CACNA1S: variants seen among roughly 807,000 people sequenced by gnomAD.
CACNA1S encodes voltage-dependent L-type calcium channel subunit alpha-1S.
In CACNA1S, 126 loss-of-function variants were observed where a neutral mutation model predicts 207.4. That is an observed-to-expected ratio of 0.61 (90% CI 0.53 to 0.70). The LOEUF is 0.70. Among genes scored for constraint, CACNA1S ranks in the 30% least tolerant of loss-of-function variants. The pLI is 0.00. For missense variants in CACNA1S, 2,349 were observed against 2,422.8 expected (o/e 0.97, Z 0.64); for synonymous variants, 960 against 932.7 (o/e 1.03, Z -0.53).
At chr1:201,075,419 C>CTAGAAA in intron 13 of CACNA1S, 76 bp downstream of exon 13, 1 of 1,593,952 alleles carries the variant, frequency 6.3e-7, no homozygotes, top group Non-Finnish European at 8.6e-7. Flanking sequence ...AACTGGACAC[C>CTAGAAA]CTTGACCCCC....
rs1192520745 is a variant in CACNA1S at position 201,061,294 on chromosome 1, G to A, written c.3228C>T (p.Tyr1076=). ...GGTTCTTGTCCAGCTCACAGTTCTTGTACTCAGTCTCTCCCTGCTCCTGGA... is the reference window on the plus strand; with the variant it reads ...GGTTCTTGTCCAGCTCACAGTTCTTATACTCAGTCTCTCCCTGCTCCTGGA... The part of the protein sequence containing the change: ...VTFQEQGETE[Y]KNCELDKNQR... Residue 1076 remains tyrosine, a synonymous_variant, in exon 25 of 44, where the codon TAC becomes TAT. Coordinates refer to ENST00000362061, the MANE Select transcript of CACNA1S (RefSeq NM_000069.3). 1.9e-6 allele frequency: 3 copies of A among 1,614,148 alleles called. No individual in the cohort carries two copies. The highest frequency in any genetic ancestry group is 4.5e-5 in the East Asian group (2 of 44,880).
Position 201,039,832 on chromosome 1 carries a change from C to G in CACNA1S, c.5621G>C (p.Ter1874SerextTer13). 6.2e-7 allele frequency: 1 copy of G among 1,603,724 alleles called. No individual in the cohort carries two copies. The highest frequency in any genetic ancestry group is 1.1e-5 in the South Asian group (1 of 91,088). ...SQETLIPPRL[*>S] is the part of the protein sequence containing the mutation. ...GCCCATGCTGATGCTGTGTGGGCAT[C>G]ACAGCCTTGGAGGAATAAGGGTCTC... Residue 1874 changes from the stop codon to serine (S), a stop_lost, in exon 44 of 44, where the codon TGA (stop) becomes TCA (serine). Coordinates refer to ENST00000362061, the MANE Select transcript of CACNA1S (RefSeq NM_000069.3).
Position 201,053,247 on chromosome 1 carries a change from C to T in CACNA1S, c.3823G>A (p.Val1275Ile), listed in dbSNP as rs760441649. Residue 1275 changes from valine (V) to isoleucine (I), a missense_variant, in exon 31 of 44, where the codon GTC becomes ATC. Physicochemically the swap from Val to Ile is conservative, Grantham distance 29 (BLOSUM62 3). Coordinates refer to ENST00000362061, the MANE Select transcript of CACNA1S (RefSeq NM_000069.3). This position sits in a 1 kb window ranked among gnomAD's most constrained non-coding sequence, Gnocchi z 5.1. ...QALPYVALLI[V>I]MLFFIYAVIG... ...ACAGCGTAGATGAAGAAGAGCATGA[C>T]GATGAGCAGAGCCACGTAGGGTAGG... is the stretch of plus-strand genomic sequence containing the variant. The T allele has an allele frequency of 1.7e-5, 27 of 1,614,100 alleles. No homozygotes were observed. Among genetic ancestry groups the T allele is most frequent in the Admixed American group, 6.7e-5 (4 of 60,010 alleles).
intron 27 of CACNA1S, among the ~76,000 whole-genome samples, chr1:201,058,897 T>C (rs957695659): frequency 1.3e-5 from 2 of 152,044 alleles, no homozygotes; most frequent in Non-Finnish European, 2.9e-5. Flanking sequence ...CAAGGCAAGA[T>C]TTTCCCCCAG....
chr1:201,046,174 A>ATTTATTTAT lies in CACNA1S; in HGVS notation c.4668+940_4668+941insATAAATAAA, dbSNP rs10681450. Among the ~76,000 whole-genome samples the ATTTATTTAT allele has an allele frequency of 8.8e-3, 1,062 of 120,480 alleles. 9 individuals carry two copies. The highest frequency in any genetic ancestry group is 0.017 in the African/African-American group (562 of 33,062). 79.0% of individuals were successfully genotyped at this position (120,480 alleles called of 152,430 possible). On this transcript the variant is annotated intron_variant, in intron 38 of 43. Transcript: ENST00000362061. Reference sequence around the variant, plus strand: ...GACATATTTATTTATTTATTTATTTATTATTTATTTATTTATCTATCTTTT... The same window carrying ATTTATTTAT: ...GACATATTTATTTATTTATTTATTTATTTATTTATTTATTTATTTATTTATCTATCTTTT...
chr1:201,040,470 T>C, intron 42 of CACNA1S, 96 bp from the exon 43 acceptor site: 1 of 1,521,426 alleles, frequency 6.6e-7, no homozygotes, highest in Non-Finnish European at 9.0e-7. Context: ...TCAACCAAGA[T>C]CCACAGAAAG....
intron 15 of CACNA1S, among the ~76,000 whole-genome samples, chr1:201,073,111 C>A (rs1484304007): frequency 1.3e-5 from 2 of 152,188 alleles, no homozygotes. Flanking sequence ...GTTGAGCTTC[C>A]CCAGGCCAGG....
chr1:201,062,578 G>T, intron 22 of CACNA1S, 64 bp from the exon 23 acceptor site: 2 of 1,510,032 alleles, frequency 1.3e-6, no homozygotes, highest in South Asian at 1.1e-5. Flanking sequence ...ATAGAAAAGT[G>T]GGCTCTGGGA....
At chr1:201,085,107 G>A in intron 8 of CACNA1S, 76 bp from the exon 9 acceptor site, 1 of 1,010,662 alleles carries the variant, frequency 9.9e-7, no homozygotes, top group Non-Finnish European at 1.6e-6. Context: ...GGGCACCCGA[G>A]ACAAGGGCCC....
chr1:201,110,133 G>A lies in CACNA1S; in HGVS notation c.258+31C>T, dbSNP rs116259814. ...TCCCCAAGCCTGGGGCTGCAGGCTC[G>A]CAGGAAGGGAGATGGAAGGGCCAAT... is the stretch of plus-strand genomic sequence containing the variant. On this transcript the variant is annotated intron_variant, in intron 2 of 43. Transcript: ENST00000362061. 3.0e-5 allele frequency: 47 copies of A among 1,592,014 alleles called. 1 individual carries two copies. In the Middle Eastern group the frequency reaches 5.0e-4, roughly 17 times the overall value.
At chr1:201,106,167 T>G (rs1217665674) in intron 2 of CACNA1S, among the ~76,000 whole-genome samples, 1 of 132,788 alleles carries the variant, frequency 7.5e-6, no homozygotes, top group African/African-American at 2.8e-5. Context: ...CACACCTCCA[T>G]CCCCACCTCC....
At chr1:201,079,719 G>A (rs1661773538) in intron 10 of CACNA1S, among the ~76,000 whole-genome samples, 1 of 152,186 alleles carries the variant, frequency 6.6e-6, no homozygotes, top group South Asian at 2.1e-4. Context: ...AACATTGAAA[G>A]GAACTGGCCA....
At chr1:201,043,571 AG>A in intron 39 of CACNA1S, 40 bp from the exon 40 acceptor site, 1 of 1,601,100 alleles carries the variant, frequency 6.2e-7, no homozygotes, top group Non-Finnish European at 8.5e-7. Flanking sequence ...GGGTGAGGGC[AG>A]GGAGGGCATG....
At chr1:201,071,126 C>T (rs1455737595) in intron 16 of CACNA1S, among the ~76,000 whole-genome samples, 3 of 152,088 alleles carry the variant, frequency 2.0e-5, no homozygotes, top group South Asian at 2.1e-4. Context: ...CGTGATCAGA[C>T]GGTGGGGGCA....
rs981437541 is a variant in CACNA1S, at chr1:201,040,741, A to G, written c.5135-28T>C. 8.2e-6 allele frequency: 13 copies of G among 1,587,406 alleles called. No homozygotes were observed. In the Admixed American group the frequency reaches 1.8e-4, roughly 22 times the overall value. On this transcript the variant is annotated intron_variant, in intron 41 of 43. Coordinates refer to ENST00000362061, the MANE Select transcript of CACNA1S (RefSeq NM_000069.3). Reference sequence around the variant, plus strand: ...GTATGCAAGAAGGGGCAAGGATAAGAGGGGCTGCTGACTCCTGCCAGGAGC... The same window carrying G: ...GTATGCAAGAAGGGGCAAGGATAAGGGGGGCTGCTGACTCCTGCCAGGAGC...
intron 19 of CACNA1S, 65 bp downstream of exon 19, chr1:201,069,072 G>T: frequency 2.2e-6 from 3 of 1,371,758 alleles, no homozygotes; most frequent in Non-Finnish European, 3.1e-6. Flanking sequence ...TGAGTTCAGT[G>T]TGTGTAAACT....
At position 201,077,904 on chromosome 1, in the gene CACNA1S, G is replaced by A; in HGVS notation, c.1594C>T (p.Leu532Phe). 6.2e-7 allele frequency: 1 copy of A among 1,613,984 alleles called. No individual in the cohort carries two copies. Among genetic ancestry groups the A allele is most frequent in the African/African-American group, 1.3e-5 (1 of 75,056 alleles). Residue 532 changes from leucine (L) to phenylalanine (F), a missense_variant, in exon 11 of 44, where the codon CTC becomes TTC. By Grantham distance (22) the Leu-to-Phe change is conservative. Transcript: ENST00000362061. ...LGISVLRCIR[L>F]LRIFKITKYW... The stretch of plus-strand genomic sequence containing the variant: ...TTGGTGATCTTGAAGATCCTCAGGA[G>A]GCGGATGCAGCGGAGCACGGAGATG...
In CACNA1S at chr1:201,061,426, A is replaced by T. The variant is rs1661044517; in HGVS notation, c.3096T>A (p.Gly1032=). ...KAIDSNAEDV[G]PIYNNRVEMA... is the part of the protein sequence containing the mutation. ...TCTCCACACGGTTGTTGTAGATGGG[A>T]CCCACGTCCTCCGCATTGGAGTCTA... is the stretch of plus-strand genomic sequence containing the variant. Residue 1032 remains glycine, a synonymous_variant, in exon 25 of 44, where the codon GGT becomes GGA. Transcript: ENST00000362061. The T allele has an allele frequency of 3.7e-6, 6 of 1,614,078 alleles. No homozygotes were observed. Among genetic ancestry groups the T allele is most frequent in the African/African-American group, 1.3e-5 (1 of 74,922 alleles).
Position 201,077,078 on chromosome 1 carries a change from G to A in CACNA1S, c.1669C>T (p.Arg557Cys), listed in dbSNP as rs756612471. 8.7e-5 allele frequency: 140 copies of A among 1,614,190 alleles called. 2 individuals are homozygous for A. In the Middle Eastern group the frequency reaches 3.8e-3, roughly 44 times the overall value. The change falls in exon 12 of 44, where the codon CGC becomes TGC. Residue 557 changes from arginine to cysteine, a missense_variant. Coordinates refer to ENST00000362061, the MANE Select transcript of CACNA1S (RefSeq NM_000069.3). ...NLVASLLNSIRSIASLLLLLF... is the reference protein window; with the variant it reads ...NLVASLLNSICSIASLLLLLF... ...AGCAGCAGCAGGGAGGCGATGGAGC[G>A]GATGGAGTTGAGCAGGGATGCCACC...
Sources: allele counts gnomAD v4.1 joint callset (sites outside exome capture counted in the v4.1 genomes callset), GRCh38; gene constraint gnomAD v4.1.1; non-coding constraint Gnocchi (gnomAD v3.1); transcripts MANE v1.5; gene names NCBI Gene and HGNC (gene_info 2026-07-23, HGNC 2026-07-21).